The following CNTN5 variants were observed in gnomAD, a reference collection of about 807,000 sequenced individuals.
CNTN5 encodes contactin-5.
In CNTN5, 77 loss-of-function variants were observed where a neutral mutation model predicts 129.1. The observed-to-expected ratio is 0.60, with a 90% confidence interval of 0.50 to 0.72. The LOEUF is 0.72. Ranked by LOEUF, CNTN5 falls within the 30% of genes least tolerant of loss-of-function variation. The probability of loss-of-function intolerance (pLI) is 0.00; values close to 1 mark genes in which losing one functional copy is unlikely to be tolerated. For missense variants in CNTN5, 1,478 were observed against 1,328.8 expected, an observed-to-expected ratio of 1.11 and a Z score of -1.75; for synonymous variants, 509 against 465.6, an observed-to-expected ratio of 1.09 and a Z score of -1.20.
intron 15 of CNTN5, among the ~76,000 whole-genome samples, chr11:100,198,280 G>A (rs1478176319): frequency 1.3e-5 from 2 of 151,986 alleles, no homozygotes; most frequent in African/African-American, 2.4e-5. Context: ...TAAAATCACA[G>A]CCAAATTTTG....
At chr11:99,980,018 C>A (rs891744860) in intron 8 of CNTN5, among the ~76,000 whole-genome samples, 2 of 152,126 alleles carry the variant, frequency 1.3e-5, no homozygotes, top group African/African-American at 4.8e-5. Context: ...ACATAGTAAA[C>A]CCCATATAAG....
chr11:99,370,519 A>G (rs1019280934), intron 2 of CNTN5, among the ~76,000 whole-genome samples: 1 of 152,250 alleles, frequency 6.6e-6, no homozygotes, highest in African/African-American at 2.4e-5. Flanking sequence ...GCTGTTGAGC[A>G]ATTCAAGTGT....
At chr11:99,587,924 A>T (rs1198639960) in intron 3 of CNTN5, among the ~76,000 whole-genome samples, 1 of 152,184 alleles carries the variant, frequency 6.6e-6, no homozygotes, top group African/African-American at 2.4e-5. Flanking sequence ...CTTGGAGCTG[A>T]TCTAGAGAAG....
At chr11:99,912,783 G>A (rs1370733123) in intron 6 of CNTN5, among the ~76,000 whole-genome samples, 1 of 151,770 alleles carries the variant, frequency 6.6e-6, no homozygotes, top group Non-Finnish European at 1.5e-5. Context: ...CAAAGACAAA[G>A]TCTAGGGCCC....
chr11:99,925,745 ACTT>A (rs746676664), intron 7 of CNTN5, among the ~76,000 whole-genome samples: 59 of 152,068 alleles, frequency 3.9e-4, no homozygotes, highest in Admixed American at 1.2e-3. Context: ...GATTCTAAAT[ACTT>A]CTTCTTCAAC....
intron 13 of CNTN5, among the ~76,000 whole-genome samples, chr11:100,145,038 T>A (rs186457346): frequency 2.4e-5 from 3 of 126,484 alleles, no homozygotes; most frequent in Admixed American, 2.4e-4. Flanking sequence ...GTCATATCTT[T>A]AAATTCTGTC....
intron 2 of CNTN5, among the ~76,000 whole-genome samples, chr11:99,424,431 T>G (rs924747761): frequency 3.9e-5 from 6 of 152,188 alleles, no homozygotes; most frequent in African/African-American, 1.4e-4. Flanking sequence ...ACCTCACGCC[T>G]GCGAAGGGTG....
In CNTN5 at chr11:99,067,424, T is replaced by TA. The variant is rs11330416; in HGVS notation, c.-210+46170dup. The stretch of plus-strand genomic sequence containing the variant: ...AGGGAAGCAGACAATCAATGTTGAC[T>TA]AAAAAAAAAAAAAAAAGGTGAAATC... On this transcript the variant is annotated intron_variant, in intron 1 of 24. Coordinates refer to ENST00000524871, the MANE Select transcript of CNTN5 (RefSeq NM_014361.4). 4.1e-4 allele frequency among the ~76,000 whole-genome samples: 56 copies of TA among 135,602 alleles called. 1 individual carries two copies. Among genetic ancestry groups the TA allele is most frequent in the East Asian group, 2.6e-3 (12 of 4,616 alleles). 89.0% of individuals were successfully genotyped at this position (135,602 alleles called of 152,430 possible).
chr11:99,628,515 T>C (rs1951212713), intron 3 of CNTN5, among the ~76,000 whole-genome samples: 1 of 151,948 alleles, frequency 6.6e-6, no homozygotes, highest in African/African-American at 2.4e-5. Flanking sequence ...CCGTGTATTA[T>C]ATACAGGTAT....
chr11:99,085,202 G>C (rs900633807), intron 1 of CNTN5, among the ~76,000 whole-genome samples: 1 of 151,734 alleles, frequency 6.6e-6, no homozygotes, highest in African/African-American at 2.4e-5. Flanking sequence ...GTACCCCCAC[G>C]CCCAGCTAAT....
chr11:99,952,366 A>G (rs1950697067), intron 7 of CNTN5, among the ~76,000 whole-genome samples: 1 of 152,194 alleles, frequency 6.6e-6, no homozygotes, highest in Non-Finnish European at 1.5e-5. Context: ...ATGAGTCATA[A>G]TGGATGATGG....
At chr11:100,198,056 T>C (rs2138535359) in intron 15 of CNTN5, among the ~76,000 whole-genome samples, 1 of 152,058 alleles carries the variant, frequency 6.6e-6, no homozygotes, top group South Asian at 2.1e-4. Flanking sequence ...TTCAATATCA[T>C]GTGATTTTTA....
chr11:99,617,354 C>T (rs536055708), intron 3 of CNTN5, among the ~76,000 whole-genome samples: 99 of 152,086 alleles, frequency 6.5e-4, no homozygotes, highest in Non-Finnish European at 1.1e-3. Flanking sequence ...TTATAAAGTT[C>T]TAAGAAGGAT....
chr11:100,199,382 G>C (rs1336725868), intron 15 of CNTN5, among the ~76,000 whole-genome samples: 1 of 151,892 alleles, frequency 6.6e-6, no homozygotes, highest in East Asian at 1.9e-4. Flanking sequence ...GGCCTGCTCT[G>C]AACGCTGGCA....
chr11:99,229,876 G>GTCTA (rs1337896534), intron 1 of CNTN5, among the ~76,000 whole-genome samples: 1 of 151,788 alleles, frequency 6.6e-6, no homozygotes, highest in East Asian at 1.9e-4. Flanking sequence ...AAGAGTATCT[G>GTCTA]TCTATCTATC....
chr11:99,186,944 G>T (rs959048267), intron 1 of CNTN5, among the ~76,000 whole-genome samples: 1 of 151,866 alleles, frequency 6.6e-6, no homozygotes, highest in African/African-American at 2.4e-5. Context: ...AGAAATGAGG[G>T]TTGAGCAGCC....
At chr11:100,315,240 G>T (rs1052028920) in intron 21 of CNTN5, among the ~76,000 whole-genome samples, 1 of 152,120 alleles carries the variant, frequency 6.6e-6, no homozygotes, top group Non-Finnish European at 1.5e-5. Flanking sequence ...TTGGCCTTTC[G>T]CAAGGAAGCT....
At chr11:99,841,880 A>G (rs1447682294) in intron 4 of CNTN5, among the ~76,000 whole-genome samples, 2 of 72,464 alleles carry the variant, frequency 2.8e-5, no homozygotes, top group African/African-American at 7.7e-5. Context: ...ATACACATAC[A>G]TATACATATA....
intron 1 of CNTN5, among the ~76,000 whole-genome samples, chr11:99,288,451 T>C (rs1864034217): frequency 6.6e-6 from 1 of 151,972 alleles, no homozygotes. Flanking sequence ...TGATCATCTT[T>C]AGATTATGCT....
Sources: allele counts gnomAD v4.1 joint callset (sites outside exome capture counted in the v4.1 genomes callset), GRCh38; gene constraint gnomAD v4.1.1; transcripts MANE v1.5; gene names NCBI Gene and HGNC (gene_info 2026-07-23, HGNC 2026-07-21).